The following FAT3 variants were observed in gnomAD, a reference collection of about 807,000 sequenced individuals.
FAT3 encodes the protein FAT atypical cadherin 3.
Under a neutral mutation model 310.2 loss-of-function variants are expected in FAT3, and 95 were observed. The ratio of observed to expected loss-of-function variants is 0.31; its 90% CI spans 0.26 to 0.36. FAT3 has a LOEUF of 0.36. Among genes scored for constraint, FAT3 ranks in the 10% least tolerant of loss-of-function variants. The pLI is 1.00. For synonymous variants in FAT3, 2,314 were observed against 2,192.9 expected (o/e 1.06, Z -1.54); for missense variants, 5,408 against 5,715.6 (o/e 0.95, Z 1.74).
At chr11:92,321,241 C>A (rs368708022) in intron 1 of FAT3, among the ~76,000 whole-genome samples, 26 of 152,158 alleles carry the variant, frequency 1.7e-4, no homozygotes, top group African/African-American at 5.3e-4. Flanking sequence ...TCGAGACCAT[C>A]CTGGCTAACA....
chr11:92,579,580 G>T (rs573830202), intron 3 of FAT3, among the ~76,000 whole-genome samples: 1 of 152,056 alleles, frequency 6.6e-6, no homozygotes, highest in Non-Finnish European at 1.5e-5. Context: ...TGGGGACAGA[G>T]TACTTCAATA....
chr11:92,724,696 T>C (rs184250048), intron 4 of FAT3, among the ~76,000 whole-genome samples: 1 of 152,298 alleles, frequency 6.6e-6, no homozygotes, highest in African/African-American at 2.4e-5. Flanking sequence ...AATGTTGAAT[T>C]AATTACCCCC....
At chr11:92,754,308 A>G (rs1352944369) in intron 4 of FAT3, among the ~76,000 whole-genome samples, 3 of 152,012 alleles carry the variant, frequency 2.0e-5, no homozygotes, top group Non-Finnish European at 4.4e-5. Context: ...TATATACACA[A>G]TGGAATACTA....
chr11:92,646,634 G>A (rs1942178538), intron 3 of FAT3, among the ~76,000 whole-genome samples: 1 of 152,216 alleles, frequency 6.6e-6, no homozygotes, highest in Non-Finnish European at 1.5e-5. Flanking sequence ...TGCAGAGTAA[G>A]AAAATCAACA....
chr11:92,400,882 A>AT (rs1241751671), intron 2 of FAT3, among the ~76,000 whole-genome samples: 1 of 152,162 alleles, frequency 6.6e-6, no homozygotes, highest in Non-Finnish European at 1.5e-5. Context: ...AGAGAATACC[A>AT]TAAAAACAAT....
At chr11:92,293,970 A>G (rs1173579704) in intron 1 of FAT3, among the ~76,000 whole-genome samples, 2 of 152,052 alleles carry the variant, frequency 1.3e-5, no homozygotes. Context: ...GCTTTTCCAC[A>G]TTATTAAATC....
intron 4 of FAT3, among the ~76,000 whole-genome samples, chr11:92,740,433 T>C (rs1945475208): frequency 6.6e-6 from 1 of 152,236 alleles, no homozygotes; most frequent in African/African-American, 2.4e-5. Context: ...GACTTCATGA[T>C]AGGGGCTGCC....
At chr11:92,618,824 A>AT (rs113344712) in intron 3 of FAT3, among the ~76,000 whole-genome samples, 22 of 149,910 alleles carry the variant, frequency 1.5e-4, no homozygotes, top group African/African-American at 3.2e-4. Context: ...TTCCAACTTG[A>AT]TTTTTTTTTT....
At chr11:92,323,649 G>A (rs1024768970) in intron 1 of FAT3, among the ~76,000 whole-genome samples, 15 of 140,192 alleles carry the variant, frequency 1.1e-4, no homozygotes, top group African/African-American at 3.7e-4. Flanking sequence ...AGTAAACTAT[G>A]CTATAAACAG....
intron 3 of FAT3, among the ~76,000 whole-genome samples, chr11:92,586,220 T>A (rs1939148509): frequency 1.3e-5 from 2 of 151,962 alleles, no homozygotes; most frequent in Non-Finnish European, 2.9e-5. Context: ...GATACAATGG[T>A]GTGTGCATAT....
At chr11:92,561,977 G>A (rs1232785804) in intron 3 of FAT3, among the ~76,000 whole-genome samples, 1 of 152,246 alleles carries the variant, frequency 6.6e-6, no homozygotes, top group Non-Finnish European at 1.5e-5. Context: ...TGCTCATGAA[G>A]TAGGAGTATT....
intron 1 of FAT3, among the ~76,000 whole-genome samples, chr11:92,236,269 G>C (rs1156663939): frequency 1.3e-5 from 2 of 152,078 alleles, no homozygotes; most frequent in Admixed American, 1.3e-4. Flanking sequence ...AAAAGTTGGA[G>C]GTACAGTTTC....
intron 2 of FAT3, among the ~76,000 whole-genome samples, chr11:92,445,996 T>G (rs1354392175): frequency 6.6e-6 from 1 of 152,230 alleles, no homozygotes; most frequent in African/African-American, 2.4e-5. Flanking sequence ...AATTGGACTC[T>G]TAATTCGTTT....
chr11:92,501,995 GTC>G (rs1952955228), intron 2 of FAT3, among the ~76,000 whole-genome samples: 1 of 151,968 alleles, frequency 6.6e-6, no homozygotes, highest in Non-Finnish European at 1.5e-5. Context: ...ATTTCCACCT[GTC>G]TCTAATAGGC....
rs540295997 is a variant in FAT3, at chr11:92,799,861, A to G, written c.6848A>G (p.Asn2283Ser). ...TTGCTAGTTAATGATGTAAATGACA[A>G]CCCCCCTATTTTCGATCAGCCTACA... Reference protein sequence around the residue: ...VDLLVNDVNDNPPIFDQPTYN... With the variant: ...VDLLVNDVNDSPPIFDQPTYN... The change falls in exon 10 of 28, where the codon AAC becomes AGC. Residue 2283 changes from asparagine to serine, a missense_variant. By Grantham distance (46) the Asn-to-Ser change is conservative (BLOSUM62 1). Coordinates refer to ENST00000525166, the MANE Select transcript of FAT3 (RefSeq NM_001367949.2). The G allele has an allele frequency of 1.9e-6, 3 of 1,612,968 alleles. No homozygotes were observed. The highest frequency in any genetic ancestry group is 2.2e-5 in the East Asian group (1 of 44,804).
At chr11:92,580,510 G>A (rs1938731398) in intron 3 of FAT3, among the ~76,000 whole-genome samples, 1 of 151,994 alleles carries the variant, frequency 6.6e-6, no homozygotes, top group African/African-American at 2.4e-5. Context: ...GTGCCCTCTT[G>A]TTGTCACTTA....
chr11:92,508,467 A>G (rs1489220567), intron 2 of FAT3, among the ~76,000 whole-genome samples: 2 of 152,128 alleles, frequency 1.3e-5, no homozygotes, highest in Admixed American at 6.6e-5. Flanking sequence ...AGAAAAAATG[A>G]AAAAAAGTGT....
chr11:92,381,734 G>C (rs935308469), intron 2 of FAT3, among the ~76,000 whole-genome samples: 2 of 151,672 alleles, frequency 1.3e-5, no homozygotes, highest in African/African-American at 2.4e-5. Flanking sequence ...GGGATTTTTT[G>C]GTGAATTATA....
At position 92,882,713 on chromosome 11, in the gene FAT3, G is replaced by C. The variant is rs999772800; in HGVS notation, c.12282-25G>C. The C allele has an allele frequency of 2.5e-6, 4 of 1,574,050 alleles. No homozygotes were observed. The African/African-American group carries it at 5.4e-5, about 21-fold the overall frequency. ...CGTGTGTGCACTGGTCCTGACGGTG[G>C]GGAGGGGCTTCTGTGTCGCCGCAGG... On this transcript the variant is annotated intron_variant, in intron 23 of 27. Coordinates refer to ENST00000525166, the MANE Select transcript of FAT3 (RefSeq NM_001367949.2).
Sources: gnomAD v4.1 joint callset for allele counts (sites outside exome capture counted in the v4.1 genomes callset) on GRCh38, gnomAD v4.1.1 for gene constraint, MANE v1.5 for transcripts, NCBI Gene and HGNC (gene_info 2026-07-23, HGNC 2026-07-21) for gene names.